Variants in FLYWCH1 observed in about 807,000 individuals in gnomAD.
FLYWCH1 encodes the protein FLYWCH-type zinc finger 1, also known as FLYWCH-type zinc finger-containing protein 1.
In FLYWCH1, 75 loss-of-function variants were observed where a neutral mutation model predicts 66.4. The ratio of observed to expected loss-of-function variants is 1.13; its 90% CI spans 0.94 to 1.37. The LOEUF is 1.37. Ranked by LOEUF, FLYWCH1 falls within the 40% of genes most tolerant of loss-of-function variation. The pLI, the probability that FLYWCH1 is intolerant of heterozygous loss-of-function variation, is 0.00. For missense variants in FLYWCH1, 1,334 were observed against 1,001.8 expected, an observed-to-expected ratio of 1.33 and a Z score of -4.48; for synonymous variants, 595 against 429.9, an observed-to-expected ratio of 1.38 and a Z score of -4.75.
intron 8 of FLYWCH1, 61 bp from the exon 9 acceptor site, chr16:2,939,971 G>A (rs763775788): frequency 1.9e-6 from 3 of 1,544,172 alleles, no homozygotes; most frequent in Non-Finnish European, 1.8e-6. Context: ...TGTGTCCTTG[G>A]TTCTGTCAGC....
In FLYWCH1 at chr16:2,934,111, T is replaced by C. The variant is rs118184949; in HGVS notation, c.1513+132T>C. 2.7e-4 allele frequency: 319 copies of C among 1,160,338 alleles called. 3 individuals carry two copies. In the East Asian group the frequency reaches 5.5e-3, roughly 20 times the overall value. The allele number at this position is 1,160,338 out of a possible 1,614,324, so 71.9% of individuals were successfully genotyped here. On this transcript the variant is annotated intron_variant, in intron 6 of 9. Coordinates refer to ENST00000253928, the MANE Select transcript of FLYWCH1 (RefSeq NM_001308068.2). ...TCTTTGAACATCCTAGAAGGAACTA[T>C]GGCCCTGGCCTCCTACTCCTTGGCC... is the stretch of plus-strand genomic sequence containing the variant.
In FLYWCH1 at chr16:2,931,026, C is replaced by A. The variant is rs567743569; in HGVS notation, c.796+146C>A. ...TGACTTTTAAAAATATAAATGTGGC[C>A]GGGCACAGTGGCTCACGCCTATAAT... On this transcript the variant is annotated intron_variant, in intron 4 of 9. Coordinates refer to ENST00000253928, the MANE Select transcript of FLYWCH1 (RefSeq NM_001308068.2). The A allele has an allele frequency of 5.5e-6, 4 of 721,586 alleles. No individual in the cohort carries two copies. The African/African-American group carries it at 7.2e-5, about 13-fold the overall frequency. The allele number at this position is 721,586 out of a possible 1,614,324, so 44.7% of individuals were successfully genotyped here.
In FLYWCH1 at chr16:2,950,114, G is replaced by A. The variant is rs1024170474; in HGVS notation, c.*1387G>A. ...GCAGGATGCTCTGTTCTCGCCATTA[G>A]CCTGCGTTACGCCTAGACTCATCTG... On this transcript the variant is annotated 3_prime_UTR_variant, in exon 10 of 10. Transcript: ENST00000253928. 5 of 152,202 alleles carry A rather than the reference G, an allele frequency of 3.3e-5. No individual in the cohort carries two copies. The highest frequency in any genetic ancestry group is 4.4e-5 in the Non-Finnish European group (3 of 68,054). 9.4% of individuals were successfully genotyped at this position (152,202 alleles called of 1,614,324 possible). A position where few individuals can be genotyped will look rare whatever the true frequency, so the allele number is the denominator to read the frequency against.
intron 2 of FLYWCH1, among the ~76,000 whole-genome samples, chr16:2,924,048 C>A (rs760877014): frequency 1.3e-5 from 2 of 151,968 alleles, no homozygotes; most frequent in Non-Finnish European, 2.9e-5. Flanking sequence ...AGGTAAAAAG[C>A]TGGCCGGCAC....
At chr16:2,934,134 GC>G (rs1016992093) in intron 6 of FLYWCH1, among the ~76,000 whole-genome samples, 155 bp downstream of exon 6, 7 of 152,050 alleles carry the variant, frequency 4.6e-5, no homozygotes, top group African/African-American at 1.7e-4. Flanking sequence ...CTACTCCTTG[GC>G]CCCCCTGATG....
chr16:2,930,979 T>C, intron 4 of FLYWCH1, 99 bp downstream of exon 4: 1 of 895,450 alleles, frequency 1.1e-6, no homozygotes, highest in Non-Finnish European at 1.7e-6. Context: ...CAGGGTCTTT[T>C]AAAATGTACT....
rs201757680 is a variant in FLYWCH1 at position 2,929,655 on chromosome 16, G to A, written c.-31G>A. The A allele has an allele frequency of 2.4e-4, 388 of 1,592,626 alleles. 2 individuals are homozygous for A. The African/African-American group carries it at 4.3e-3, about 18-fold the overall frequency. ...CCAGGTTCCTTGCTGGGTGCTGAGC[G>A]TGGCCTGAGGGACAGGCCCTGGGTC... is the stretch of plus-strand genomic sequence containing the variant. On this transcript the variant is annotated 5_prime_UTR_variant, in exon 3 of 10. In the 5' UTR this introduces an upstream ATG that the reference lacks. Transcript: ENST00000253928.
chr16:2,934,477 T>C (rs942230018), intron 6 of FLYWCH1: 1 of 360,702 alleles, frequency 2.8e-6, no homozygotes, highest in Non-Finnish European at 5.5e-6. Flanking sequence ...TCCATCTTTA[T>C]CCACACGGTC....
At chr16:2,948,562 C>T (rs973997972) in intron 9 of FLYWCH1, 126 bp from the exon 10 acceptor site, 107 of 1,009,624 alleles carry the variant, frequency 1.1e-4, no homozygotes, top group Middle Eastern at 2.2e-4. Context: ...GATTCCGTCT[C>T]AAAAATAAAT....
In FLYWCH1 at chr16:2,949,948, C is replaced by T. The variant is rs2151042479; in HGVS notation, c.*1221C>T. On this transcript the variant is annotated 3_prime_UTR_variant, in exon 10 of 10. Coordinates refer to ENST00000253928, the MANE Select transcript of FLYWCH1 (RefSeq NM_001308068.2). ...TGCCTGGGCTGTTACAGTCACCTGG[C>T]CCAGACGTAACCTGGACCAAGAGTG... 6.6e-6 allele frequency: 1 copy of T among 152,258 alleles called. No individual in the cohort carries two copies. Among genetic ancestry groups the T allele is most frequent in the Middle Eastern group, 3.4e-3 (1 of 294 alleles). The allele number at this position is 152,258 out of a possible 1,614,324, so 9.4% of individuals were successfully genotyped here. A position where few individuals can be genotyped will look rare whatever the true frequency, so the allele number is the denominator to read the frequency against.
rs116189674 is a variant in FLYWCH1, at chr16:2,930,827, G to A, written c.743G>A (p.Arg248Gln). ...KPALEEEEAPRALSLLSLPPK... is the reference protein window; with the variant it reads ...KPALEEEEAPQALSLLSLPPK... ...GCCCTGGAGGAGGAGGAGGCACCCC[G>A]AGCCCTGTCACTGCTGAGCCTGCCG... Residue 248 changes from arginine (R) to glutamine (Q), a missense_variant, in exon 4 of 10, where the codon CGA becomes CAA. Coordinates refer to ENST00000253928, the MANE Select transcript of FLYWCH1 (RefSeq NM_001308068.2). 1.5e-3 allele frequency: 2,413 copies of A among 1,602,930 alleles called. 27 individuals are homozygous for A. In the African/African-American group the frequency reaches 0.027, roughly 18 times the overall value.
intron 2 of FLYWCH1, among the ~76,000 whole-genome samples, chr16:2,928,254 C>T (rs973908929): frequency 6.6e-6 from 1 of 152,210 alleles, no homozygotes; most frequent in Non-Finnish European, 1.5e-5. Flanking sequence ...TTCCTCTTAC[C>T]TCAACAGCAA....
Position 2,949,738 on chromosome 16 carries a change from G to A in FLYWCH1, c.*1011G>A, listed in dbSNP as rs2071621736. The A allele has an allele frequency of 6.6e-6, 1 of 151,980 alleles. No homozygotes were observed. The highest frequency in any genetic ancestry group is 6.6e-5 in the Admixed American group (1 of 15,248). 9.4% of individuals were successfully genotyped at this position (151,980 alleles called of 1,614,324 possible). A position where few individuals can be genotyped will look rare whatever the true frequency, so the allele number is the denominator to read the frequency against. On this transcript the variant is annotated 3_prime_UTR_variant, in exon 10 of 10. Coordinates refer to ENST00000253928, the MANE Select transcript of FLYWCH1 (RefSeq NM_001308068.2). ...CCACGGAACCCACCATGCACTGCAA[G>A]GCTGTGACAGCCTGGGCACCCCTGC...
chr16:2,936,600 G>C, intron 6 of FLYWCH1: 2 of 457,120 alleles, frequency 4.4e-6, no homozygotes, highest in Non-Finnish European at 8.8e-6. Flanking sequence ...TCTGGGCAAG[G>C]CACAGCCACC....
At chr16:2,929,532 C>G (rs1239245779) in intron 2 of FLYWCH1, 81 bp from the exon 3 acceptor site, 1 of 1,001,662 alleles carries the variant, frequency 1.0e-6, no homozygotes, top group Non-Finnish European at 1.4e-6. Context: ...GCAGCCCCAT[C>G]TGCCCCACCT....
chr16:2,934,148 G>A (rs1450004398), intron 6 of FLYWCH1, among the ~76,000 whole-genome samples, 169 bp downstream of exon 6: 3 of 152,102 alleles, frequency 2.0e-5, no homozygotes, highest in Admixed American at 1.3e-4. Flanking sequence ...CCCTGATGCC[G>A]CTTTCAATGG....
intron 2 of FLYWCH1, chr16:2,915,205 T>C (rs2150878120): frequency 6.6e-6 from 1 of 152,032 alleles, no homozygotes; most frequent in Middle Eastern, 3.4e-3. Context: ...TGGTGTGATC[T>C]TGGCTCACTG....
At chr16:2,934,547 A>G (rs1596380855) in intron 6 of FLYWCH1, 9 of 434,956 alleles carry the variant, frequency 2.1e-5, no homozygotes, top group South Asian at 1.5e-4. Flanking sequence ...ATGTCCCCAT[A>G]GCGTCTGGCT....
intron 2 of FLYWCH1, among the ~76,000 whole-genome samples, chr16:2,918,157 T>TTC (rs1555481410): frequency 6.7e-6 from 1 of 148,360 alleles, no homozygotes; most frequent in African/African-American, 2.5e-5. Context: ...CTTTTTTTTT[T>TTC]TTTTTTTTTT....
Sources: allele counts gnomAD v4.1 joint callset (sites outside exome capture counted in the v4.1 genomes callset), GRCh38; gene constraint gnomAD v4.1.1; transcripts MANE v1.5; gene names NCBI Gene and HGNC (gene_info 2026-07-23, HGNC 2026-07-21).